The following WDPCP variants were observed in gnomAD, a reference collection of about 807,000 sequenced individuals.
WDPCP encodes WD repeat-containing and planar cell polarity effector protein fritz homolog.
Under a neutral mutation model 93.1 loss-of-function variants are expected in WDPCP, and 71 were observed. The observed-to-expected ratio is 0.76, with a 90% CI of 0.63 to 0.93. WDPCP has a LOEUF of 0.93. Among genes scored for constraint, WDPCP ranks in the 40% least tolerant of loss-of-function variants. The pLI, the probability that WDPCP is intolerant of heterozygous loss-of-function variation, is 0.00. For synonymous variants in WDPCP, 315 were observed against 315.0 expected (o/e 1.00, Z 0.00); for missense variants, 844 against 887.4 (o/e 0.95, Z 0.62).
intron 1 of WDPCP, among the ~76,000 whole-genome samples, chr2:63,573,432 T>C (rs1013805111): frequency 1.3e-4 from 20 of 152,232 alleles, no homozygotes; most frequent in African/African-American, 4.6e-4. Flanking sequence ...TAATTTCTTA[T>C]GCCTGTCTTT....
rs770276507 is a variant in WDPCP, at chr2:63,486,528, T to A, written c.253+14A>T. ...AGTTTTATAATAATTCCAAAAAATA[T>A]AAAGTAAGCTTACACTCTGCCAGCT... On this transcript the variant is annotated intron_variant, in intron 4 of 17. Transcript: ENST00000272321. The A allele has an allele frequency of 6.4e-7, 1 of 1,560,466 alleles. No individual in the cohort carries two copies. The highest frequency in any genetic ancestry group is 1.8e-5 in the Admixed American group (1 of 55,606).
At chr2:63,409,193 G>A (rs1171466489) in intron 9 of WDPCP, among the ~76,000 whole-genome samples, 3 of 152,194 alleles carry the variant, frequency 2.0e-5, no homozygotes, top group African/African-American at 7.2e-5. Context: ...ATCCACGGCT[G>A]AGAGACCCAC....
intron 6 of WDPCP, among the ~76,000 whole-genome samples, chr2:63,446,434 A>C: frequency 6.6e-6 from 1 of 152,154 alleles, no homozygotes; most frequent in Non-Finnish European, 1.5e-5. Flanking sequence ...CACCACCTTT[A>C]TATATTAGCC....
chr2:63,493,027 A>G (rs1034000522), intron 1 of WDPCP, 87 bp from the exon 2 acceptor site: 14 of 1,109,206 alleles, frequency 1.3e-5, no homozygotes, highest in Non-Finnish European at 1.8e-5. Context: ...AGTAAAAAGA[A>G]TCATTCGCCA....
intron 14 of WDPCP, among the ~76,000 whole-genome samples, chr2:63,226,898 G>A (rs1678338927): frequency 6.6e-6 from 1 of 151,880 alleles, no homozygotes; most frequent in Non-Finnish European, 1.5e-5. Flanking sequence ...AGAACTAATT[G>A]AAAGTTAACA....
At chr2:63,237,932 A>G (rs913112586) in intron 14 of WDPCP, among the ~76,000 whole-genome samples, 3 of 152,030 alleles carry the variant, frequency 2.0e-5, no homozygotes, top group Admixed American at 2.0e-4. Flanking sequence ...GCATTAGGCA[A>G]TATACCCTTG....
intron 15 of WDPCP, among the ~76,000 whole-genome samples, chr2:63,156,347 T>C (rs1672248422): frequency 6.6e-6 from 1 of 152,138 alleles, no homozygotes; most frequent in African/African-American, 2.4e-5. Context: ...AGATGGAATG[T>C]TTTGTTAGAC....
chr2:63,747,158 T>C (rs2103871815), intron 2 of WDPCP, among the ~76,000 whole-genome samples: 1 of 152,292 alleles, frequency 6.6e-6, no homozygotes, highest in South Asian at 2.1e-4. Context: ...CACTGATTTG[T>C]AGCAGCTCTT....
At chr2:63,837,941 T>C in the WDPCP span, among the ~76,000 whole-genome samples, 1 of 151,992 alleles carries the variant, frequency 6.6e-6, no homozygotes, top group Non-Finnish European at 1.5e-5. Flanking sequence ...CTGTCTCTAC[T>C]AAAAATACAA....
intron 3 of WDPCP, among the ~76,000 whole-genome samples, chr2:63,629,449 A>G (rs1012068333): frequency 2.6e-5 from 4 of 152,202 alleles, no homozygotes; most frequent in African/African-American, 4.8e-5. Context: ...TGGAGACTAC[A>G]TGGGAAGTCT....
intron 11 of WDPCP, among the ~76,000 whole-genome samples, chr2:63,379,139 C>T (rs2901580): frequency 0.8 from 121,675 of 151,958 alleles, 49,567 homozygotes; most frequent in East Asian, 0.96. Context: ...AGGGCTAAGA[C>T]TGGGGGAAAG....
chr2:63,397,769 C>T (rs527840177), intron 10 of WDPCP, among the ~76,000 whole-genome samples: 4 of 151,876 alleles, frequency 2.6e-5, no homozygotes, highest in Middle Eastern at 3.4e-3. Flanking sequence ...TCTGAGACAC[C>T]GCAGAAGATA....
intron 2 of WDPCP, among the ~76,000 whole-genome samples, chr2:63,799,636 A>C (rs1670664672): frequency 6.6e-6 from 1 of 152,210 alleles, no homozygotes. Context: ...TTTAGGTCTC[A>C]TGGGCCACAA....
Position 63,447,187 on chromosome 2 carries a change from T to A in WDPCP, c.385-7316A>T, listed in dbSNP as rs555361926. Among the ~76,000 whole-genome samples the A allele has an allele frequency of 3.4e-4, 52 of 152,162 alleles. No individual in the cohort carries two copies. In the Middle Eastern group the frequency reaches 0.01, roughly 30 times the overall value. On this transcript the variant is annotated intron_variant, in intron 6 of 17. Coordinates refer to ENST00000272321, the MANE Select transcript of WDPCP (RefSeq NM_015910.7). ...TTTACTAGGAAAAAAACAAGAGTAG[T>A]ATGGGTACATATACGTATAAAGAAA...
intron 14 of WDPCP, among the ~76,000 whole-genome samples, chr2:63,211,685 A>G (rs1315032943): frequency 6.6e-6 from 1 of 152,192 alleles, no homozygotes; most frequent in African/African-American, 2.4e-5. Context: ...TAAAGGAGGA[A>G]GTTTGAACCC....
At chr2:63,654,681 G>T (rs1377460613) in intron 2 of WDPCP, among the ~76,000 whole-genome samples, 2 of 152,056 alleles carry the variant, frequency 1.3e-5, no homozygotes, top group Non-Finnish European at 2.9e-5. Context: ...GATAGTTGAG[G>T]CCCTTATATA....
chr2:63,222,376 C>A lies in WDPCP; in HGVS notation c.1915+36931G>T, dbSNP rs570072444. On this transcript the variant is annotated intron_variant, in intron 14 of 17. Coordinates refer to ENST00000272321, the MANE Select transcript of WDPCP (RefSeq NM_015910.7). ...ACAACAGGATTCCCTCAACTCCCAA[C>A]CTTTAAAAAACAAGACACTGGCGTG... Among the ~76,000 whole-genome samples the A allele has an allele frequency of 3.9e-5, 6 of 152,244 alleles. No homozygotes were observed. In the South Asian group the frequency reaches 1.2e-3, roughly 32 times the overall value.
chr2:63,503,190 C>A (rs1006763092), intron 1 of WDPCP, among the ~76,000 whole-genome samples: 1 of 152,206 alleles, frequency 6.6e-6, no homozygotes, highest in African/African-American at 2.4e-5. Flanking sequence ...GCAGTTTTGA[C>A]ATTTAGACAA....
intron 2 of WDPCP, chr2:63,717,476 A>G (rs867482527): frequency 2.5e-6 from 1 of 403,126 alleles, no homozygotes; most frequent in Middle Eastern, 7.3e-4. Context: ...AAGGGCGGCA[A>G]AGATGTGTCA....
Sources: gnomAD v4.1 joint callset for allele counts (sites outside exome capture counted in the v4.1 genomes callset) on GRCh38, gnomAD v4.1.1 for gene constraint, MANE v1.5 for transcripts, NCBI Gene and HGNC (gene_info 2026-07-23, HGNC 2026-07-21) for gene names.